Variants in WDR26 observed in about 807,000 individuals in gnomAD.
The protein encoded by WDR26 is WD repeat-containing protein 26.
A neutral mutation model predicts 84.1 loss-of-function variants in WDR26; 5 were observed. The ratio of observed to expected loss-of-function variants is 0.06; its 90% CI spans 0.03 to 0.13. The LOEUF (loss-of-function observed/expected upper bound fraction) is 0.13, where lower values mean the gene tolerates loss of function less well. WDR26 is among the 10% of genes least tolerant of loss of function. The probability of loss-of-function intolerance (pLI) is 1.00; values close to 1 mark genes in which losing one functional copy is unlikely to be tolerated. For synonymous variants in WDR26, 415 were observed against 389.6 expected, an observed-to-expected ratio of 1.07 and a Z score of -0.77; for missense variants, 642 against 974.9, an observed-to-expected ratio of 0.66 and a Z score of 4.55.
intron 1 of WDR26, among the ~76,000 whole-genome samples, chr1:224,433,222 G>T (rs1008341792): frequency 1.3e-5 from 2 of 152,072 alleles, no homozygotes; most frequent in African/African-American, 4.8e-5. Flanking sequence ...GTCTGCCACG[G>T]TTGGGGGTGG....
intron 12 of WDR26, among the ~76,000 whole-genome samples, chr1:224,396,737 C>T (rs543513939): frequency 2.6e-5 from 4 of 152,190 alleles, no homozygotes; most frequent in East Asian, 3.9e-4. Flanking sequence ...GGCAGGTAGA[C>T]TGCTTGAGCT....
chr1:224,408,641 T>G (rs569219931), intron 7 of WDR26, among the ~76,000 whole-genome samples: 20 of 151,224 alleles, frequency 1.3e-4, no homozygotes, highest in African/African-American at 4.9e-4. Flanking sequence ...TTCTTTTTTT[T>G]TTTTTTTTTT....
rs531777043 is a variant in WDR26, at chr1:224,417,567, G to A, written c.1319+693C>T. Among the ~76,000 whole-genome samples the A allele has an allele frequency of 2.6e-5, 4 of 152,290 alleles. No individual in the cohort carries two copies. The East Asian group carries it at 7.7e-4, about 29-fold the overall frequency. ...AAAAACTTAAGAATTAGCCAGGCAT[G>A]GTAGTGCATGCCTATATAGTCCTAG... is the stretch of plus-strand genomic sequence containing the variant. On this transcript the variant is annotated intron_variant, in intron 6 of 13. Coordinates refer to ENST00000414423, the MANE Select transcript of WDR26 (RefSeq NM_001379403.1).
chr1:224,416,560 G>A (rs1673910545), intron 6 of WDR26, among the ~76,000 whole-genome samples: 1 of 152,134 alleles, frequency 6.6e-6, no homozygotes, highest in Admixed American at 6.6e-5. Context: ...ATGAGAGCTT[G>A]GTCCCTGACC....
At position 224,385,928 on chromosome 1, in the gene WDR26, T is replaced by C. The variant is rs998218721; in HGVS notation, c.*3907A>G. ...AAAAATGACAAGATCCTAGAACAGC[T>C]GTTTCCAGGACTTTTTAATGAATCA... On this transcript the variant is annotated 3_prime_UTR_variant, in exon 14 of 14. Coordinates refer to ENST00000414423, the MANE Select transcript of WDR26 (RefSeq NM_001379403.1). 2.6e-5 allele frequency: 4 copies of C among 152,190 alleles called. No homozygotes were observed. The highest frequency in any genetic ancestry group is 9.7e-5 in the African/African-American group (4 of 41,432). The allele number at this position is 152,190 out of a possible 1,614,324, so 9.4% of individuals were successfully genotyped here. A position where few individuals can be genotyped will look rare whatever the true frequency, so the allele number is the denominator to read the frequency against.
At chr1:224,404,394 T>C in intron 8 of WDR26, 36 bp downstream of exon 8, 1 of 1,609,056 alleles carries the variant, frequency 6.2e-7, no homozygotes, top group Non-Finnish European at 8.5e-7. Flanking sequence ...GACTATGCTG[T>C]ACTTAAAAGC....
At position 224,387,635 on chromosome 1, in the gene WDR26, C is replaced by A. The variant is rs1673019081; in HGVS notation, c.*2200G>T. 1 of 152,528 alleles carries A rather than the reference C, an allele frequency of 6.6e-6. No homozygotes were observed. The highest frequency in any genetic ancestry group is 2.4e-5 in the African/African-American group (1 of 41,404). The allele number at this position is 152,528 out of a possible 1,614,324, so 9.4% of individuals were successfully genotyped here. The stretch of plus-strand genomic sequence containing the variant: ...GTAGAATCTGAGTGCCAAATTGCCC[C>A]TGAATGGGCACAAATCTGAGTGTTA... On this transcript the variant is annotated 3_prime_UTR_variant, in exon 14 of 14. Coordinates refer to ENST00000414423, the MANE Select transcript of WDR26 (RefSeq NM_001379403.1).
In WDR26 at chr1:224,389,080, G is replaced by A. The variant is rs1400968085; in HGVS notation, c.*755C>T. The A allele has an allele frequency of 6.6e-6, 1 of 152,602 alleles. No individual in the cohort carries two copies. Among genetic ancestry groups the A allele is most frequent in the Non-Finnish European group, 1.5e-5 (1 of 68,044 alleles). The allele number at this position is 152,602 out of a possible 1,614,324, so 9.5% of individuals were successfully genotyped here. A position where few individuals can be genotyped will look rare whatever the true frequency, so the allele number is the denominator to read the frequency against. On this transcript the variant is annotated 3_prime_UTR_variant, in exon 14 of 14. Transcript: ENST00000414423. Reference sequence around the variant, plus strand: ...TATACTGTGTATCTAAGTCATTGAGGAAACTGTTTTTAAGCTGGTTTAGAT... The same window carrying A: ...TATACTGTGTATCTAAGTCATTGAGAAAACTGTTTTTAAGCTGGTTTAGAT...
intron 6 of WDR26, among the ~76,000 whole-genome samples, chr1:224,414,676 A>T (rs1673841958): frequency 6.6e-6 from 1 of 152,178 alleles, no homozygotes; most frequent in Admixed American, 6.5e-5. Context: ...TAGATAAATA[A>T]TAGGAATTAA....
chr1:224,415,904 T>C (rs563076278), intron 6 of WDR26, among the ~76,000 whole-genome samples: 19 of 152,350 alleles, frequency 1.2e-4, no homozygotes, highest in African/African-American at 3.8e-4. Context: ...GGTGAAGATA[T>C]AGGCTGGAAA....
At position 224,418,414 on chromosome 1, in the gene WDR26, A is replaced by G; in HGVS notation, c.1165T>C (p.Tyr389His). ...GGAAGCATCACTGATGGTGGTAAATAGGCTTTAATAGAAGATATTTTAAAA... is the reference window on the plus strand; with the variant it reads ...GGAAGCATCACTGATGGTGGTAAATGGGCTTTAATAGAAGATATTTTAAAA... Residue 389 changes from tyrosine to histidine, a missense_variant and splice_region_variant, in exon 6 of 14, where the codon TAT becomes CAT. By Grantham distance (83) the Tyr-to-His change is moderately conservative. This residue lies in a region of WDR26 where 351 missense variants were observed against 672.8 expected (regional missense o/e 0.52). Coordinates refer to ENST00000414423, the MANE Select transcript of WDR26 (RefSeq NM_001379403.1). 6.3e-7 allele frequency: 1 copy of G among 1,588,440 alleles called. No homozygotes were observed. The highest frequency in any genetic ancestry group is 8.5e-7 in the Non-Finnish European group (1 of 1,172,784).
chr1:224,416,774 T>A (rs771870000), intron 6 of WDR26, among the ~76,000 whole-genome samples: 14 of 152,202 alleles, frequency 9.2e-5, no homozygotes, highest in Non-Finnish European at 1.9e-4. Flanking sequence ...CAAAAAAAGA[T>A]TTGGGTTCAC....
chr1:224,434,365 G>A lies in WDR26; in HGVS notation c.41C>T (p.Ser14Phe). 1 of 1,210,998 alleles carries A rather than the reference G, an allele frequency of 8.3e-7. No individual in the cohort carries two copies. Among genetic ancestry groups the A allele is most frequent in the Non-Finnish European group, 1.0e-6 (1 of 975,268 alleles). The allele number at this position is 1,210,998 out of a possible 1,614,324, so 75.0% of individuals were successfully genotyped here. Residue 14 changes from serine to phenylalanine, a missense_variant, in exon 1 of 14, where the codon TCC becomes TTC. Transcript: ENST00000414423. ...TCCGCCGGTGTCCGAGTCGGAGGAG[G>A]AGGAAGCGGAGGCCAGAGTTTCCTC... is the stretch of plus-strand genomic sequence containing the variant.
chr1:224,409,058 G>C (rs1673659950), intron 7 of WDR26, among the ~76,000 whole-genome samples: 3 of 152,152 alleles, frequency 2.0e-5, no homozygotes, highest in Non-Finnish European at 4.4e-5. Flanking sequence ...ACACAGGGTA[G>C]TATATTAGGT....
At chr1:224,421,005 T>C (rs1674046005) in intron 4 of WDR26, among the ~76,000 whole-genome samples, 1 of 152,230 alleles carries the variant, frequency 6.6e-6, no homozygotes, top group Non-Finnish European at 1.5e-5. Flanking sequence ...TTTACAAAAG[T>C]GACTTAGAAT....
chr1:224,433,841 A>G lies in WDR26; in HGVS notation c.565T>C (p.Ser189Pro), dbSNP rs1412249432. 1 of 1,536,840 alleles carries G rather than the reference A, an allele frequency of 6.5e-7. No homozygotes were observed. Reference sequence around the variant, plus strand: ...GCGGAGGCAGCTGCGACGGTGGCTGAGGATGCGGCGGCCGCCCCGCCGGGA... The same window carrying G: ...GCGGAGGCAGCTGCGACGGTGGCTGGGGATGCGGCGGCCGCCCCGCCGGGA... The change falls in exon 1 of 14, where the codon TCA becomes CCA. Residue 189 changes from serine (S) to proline (P), a missense_variant. Transcript: ENST00000414423.
chr1:224,423,542 A>T (rs568802550), intron 4 of WDR26, among the ~76,000 whole-genome samples: 1 of 152,258 alleles, frequency 6.6e-6, no homozygotes, highest in African/African-American at 2.4e-5. Flanking sequence ...GGTTAGGAGG[A>T]GTTCAAGGCC....
At chr1:224,432,789 A>C (rs1284465947) in intron 1 of WDR26, among the ~76,000 whole-genome samples, 1 of 152,130 alleles carries the variant, frequency 6.6e-6, no homozygotes, top group Non-Finnish European at 1.5e-5. Flanking sequence ...CCTTCATTTC[A>C]TTCTGACTCC....
At chr1:224,393,501 T>G (rs1673179342) in intron 13 of WDR26, among the ~76,000 whole-genome samples, 1 of 152,236 alleles carries the variant, frequency 6.6e-6, no homozygotes, top group Non-Finnish European at 1.5e-5. Flanking sequence ...TATAAAATTC[T>G]TCCTACAATA....
Sources: allele counts gnomAD v4.1 joint callset (sites outside exome capture counted in the v4.1 genomes callset), GRCh38; gene constraint gnomAD v4.1.1; regional missense constraint gnomAD v4.1.1; transcripts MANE v1.5; gene names NCBI Gene and HGNC (gene_info 2026-07-23, HGNC 2026-07-21).